ASPH: variants seen among roughly 807,000 people sequenced by gnomAD.
The protein encoded by ASPH is aspartate beta-hydroxylase, also known as aspartyl/asparaginyl beta-hydroxylase.
In ASPH, 100 loss-of-function variants were observed where a neutral mutation model predicts 118.4. The ratio of observed to expected loss-of-function variants is 0.84; its 90% confidence interval spans 0.72 to 1.00. ASPH has a LOEUF of 1.00. ASPH is among the 50% of genes least tolerant of loss of function. ASPH has a pLI of 0.00. For synonymous variants in ASPH, 315 were observed against 325.6 expected (o/e 0.97, Z 0.35); for missense variants, 920 against 919.5 (o/e 1.00, Z -0.01).
intron 1 of ASPH, among the ~76,000 whole-genome samples, chr8:61,712,088 A>T (rs1838186232): frequency 6.6e-6 from 1 of 152,218 alleles, no homozygotes; most frequent in African/African-American, 2.4e-5. Flanking sequence ...AGTTTCCATG[A>T]ACTAAACAAC....
At chr8:61,634,291 T>C (rs1442837443) in intron 12 of ASPH, among the ~76,000 whole-genome samples, 1 of 152,186 alleles carries the variant, frequency 6.6e-6, no homozygotes, top group African/African-American at 2.4e-5. Flanking sequence ...ATTTGCTCCA[T>C]GAAATTACAT....
chr8:61,690,241 A>G (rs1288471102), intron 1 of ASPH, among the ~76,000 whole-genome samples: 4 of 152,222 alleles, frequency 2.6e-5, no homozygotes, highest in Non-Finnish European at 5.9e-5. Flanking sequence ...AAAACCATAC[A>G]TAGTAAGAAA....
chr8:61,698,565 C>T (rs548199829), intron 1 of ASPH, among the ~76,000 whole-genome samples: 34 of 152,322 alleles, frequency 2.2e-4, no homozygotes, highest in African/African-American at 6.7e-4. Context: ...TGACTGATTA[C>T]ATCAATGGTC....
chr8:61,586,142 A>C lies in ASPH; in HGVS notation c.977-2113T>G, dbSNP rs534772815. ...TGACTTTTATGTTGCCCACTCTCCC[A>C]GTGTTCTTCCTTATTCTCTAGCCTC... On this transcript the variant is annotated intron_variant, in intron 14 of 24. Transcript: ENST00000379454. Among the ~76,000 whole-genome samples the C allele has an allele frequency of 4.0e-3, 610 of 152,102 alleles. 3 individuals are homozygous for C. The highest frequency in any genetic ancestry group is 6.2e-3 in the Non-Finnish European group (423 of 68,006).
chr8:61,707,190 C>T (rs546087550), intron 1 of ASPH, among the ~76,000 whole-genome samples: 239 of 151,626 alleles, frequency 1.6e-3, no homozygotes, highest in African/African-American at 5.6e-3. Flanking sequence ...TGAGTAAACA[C>T]AGACTAGGAG....
intron 18 of ASPH, among the ~76,000 whole-genome samples, chr8:61,556,787 C>T (rs753452013): frequency 9.2e-5 from 14 of 152,188 alleles, no homozygotes; most frequent in Admixed American, 4.6e-4. Context: ...AGGTTTGAGT[C>T]GGTGCATGTG....
chr8:61,626,442 G>A (rs1031229988), intron 13 of ASPH, among the ~76,000 whole-genome samples: 27 of 151,858 alleles, frequency 1.8e-4, no homozygotes, highest in African/African-American at 5.6e-4. Flanking sequence ...ATCAACTACC[G>A]AAAGAAGCCC....
In ASPH at chr8:61,625,588, C is replaced by T. The variant is rs571233514; in HGVS notation, c.935-6569G>A. On this transcript the variant is annotated intron_variant, in intron 13 of 24. Coordinates refer to ENST00000379454, the MANE Select transcript of ASPH (RefSeq NM_004318.4). ...TGTCTTAACAAGGAATTTCAGCTTT[C>T]CCCTCTCATTTAAAAAAATAAATAA... 194 of 984,252 alleles carry T rather than the reference C, an allele frequency of 2.0e-4. 2 individuals are homozygous for T. In the African/African-American group the frequency reaches 3.2e-3, roughly 16 times the overall value. The allele number at this position is 984,252 out of a possible 1,614,324, so 61.0% of individuals were successfully genotyped here. A position where few individuals can be genotyped will look rare whatever the true frequency, so the allele number is the denominator to read the frequency against.
chr8:61,553,216 A>C, intron 19 of ASPH, 96 bp from the exon 20 acceptor site: 1 of 939,230 alleles, frequency 1.1e-6, no homozygotes, highest in Non-Finnish European at 1.6e-6. Flanking sequence ...TCGTATGAAA[A>C]CCTAAAAACC....
At chr8:61,711,561 C>T (rs1442838600) in intron 1 of ASPH, among the ~76,000 whole-genome samples, 1 of 151,958 alleles carries the variant, frequency 6.6e-6, no homozygotes, top group Admixed American at 6.6e-5. Context: ...AAAGCAGACA[C>T]TTGCTTTAAA....
At position 61,714,320 on chromosome 8, in the gene ASPH, A is replaced by G; in HGVS notation, c.52T>C (p.Ser18Pro). The change falls in exon 1 of 25, where the codon TCC (serine) becomes CCC (proline). Residue 18 changes from serine to proline, a missense_variant. Transcript: ENST00000379454. ...CCCGCACTCGTGCTACCGCTGCCGG[A>G]GCCGCTGCTGCTGCTGTTGCCGCTG... ...KSSGNSSSSG[S>P]GSGSTSAGSS... The G allele has an allele frequency of 1.3e-6, 2 of 1,519,464 alleles. No individual in the cohort carries two copies. Among genetic ancestry groups the G allele is most frequent in the Non-Finnish European group, 1.8e-6 (2 of 1,134,396 alleles). 94.1% of individuals were successfully genotyped at this position (1,519,464 alleles called of 1,614,324 possible).
chr8:61,506,951 A>C (rs920708187), intron 24 of ASPH, among the ~76,000 whole-genome samples: 2 of 152,206 alleles, frequency 1.3e-5, no homozygotes, highest in Non-Finnish European at 2.9e-5. Flanking sequence ...AGTGATTTTC[A>C]AAGTTTTTTG....
chr8:61,664,283 A>G (rs574269481), intron 3 of ASPH: 2 of 969,016 alleles, frequency 2.1e-6, no homozygotes, highest in Admixed American at 6.2e-5. Flanking sequence ...AATAATAATG[A>G]CACAATCAAA....
rs934636442 is a variant in ASPH, at chr8:61,518,490, A to C, written c.1901-367T>G. 2.6e-5 allele frequency among the ~76,000 whole-genome samples: 4 copies of C among 152,298 alleles called. No homozygotes were observed. The East Asian group carries it at 7.7e-4, about 29-fold the overall frequency. ...CATGTTAAGTTTTGACTCCCCAAAA[A>C]CTTAACAACTAATAGCCTACTGTTG... On this transcript the variant is annotated intron_variant, in intron 22 of 24. Transcript: ENST00000379454.
chr8:61,548,927 C>T (rs1001358218), intron 20 of ASPH, among the ~76,000 whole-genome samples: 5 of 152,208 alleles, frequency 3.3e-5, no homozygotes, highest in African/African-American at 4.8e-5. Flanking sequence ...CAGCTGGCTA[C>T]GGAGCATGAC....
intron 18 of ASPH, among the ~76,000 whole-genome samples, chr8:61,562,470 A>C (rs1346133685): frequency 1.3e-5 from 2 of 151,720 alleles, no homozygotes; most frequent in Non-Finnish European, 2.9e-5. Flanking sequence ...ACAATTTTAG[A>C]AAGACTATGT....
chr8:61,681,999 A>T (rs975231198), intron 2 of ASPH, among the ~76,000 whole-genome samples: 1 of 151,900 alleles, frequency 6.6e-6, no homozygotes, highest in Non-Finnish European at 1.5e-5. Context: ...CTAAAAAAAA[A>T]TTTTGGCAAT....
At chr8:61,629,248 T>C (rs1411717039) in intron 13 of ASPH, among the ~76,000 whole-genome samples, 1 of 152,210 alleles carries the variant, frequency 6.6e-6, no homozygotes, top group African/African-American at 2.4e-5. Flanking sequence ...AACTAACTTT[T>C]AAAATTCTTT....
intron 24 of ASPH, among the ~76,000 whole-genome samples, chr8:61,510,191 C>G (rs1183320952): frequency 6.6e-6 from 1 of 152,146 alleles, no homozygotes; most frequent in Non-Finnish European, 1.5e-5. Flanking sequence ...ATACTCAAAA[C>G]CATACAAAGA....
Sources: allele counts gnomAD v4.1 joint callset (sites outside exome capture counted in the v4.1 genomes callset), GRCh38; gene constraint gnomAD v4.1.1; transcripts MANE v1.5; gene names NCBI Gene and HGNC (gene_info 2026-07-23, HGNC 2026-07-21).